Variants in WDR64 observed in about 807,000 individuals in gnomAD.
WDR64 encodes WD repeat-containing protein 64.
A neutral mutation model predicts 139.3 loss-of-function variants in WDR64; 112 were observed. That is an observed-to-expected ratio of 0.80 (90% CI 0.69 to 0.94). WDR64 has a LOEUF of 0.94. Ranked by LOEUF, WDR64 falls within the 40% of genes least tolerant of loss-of-function variation. The pLI is 0.00. For synonymous variants in WDR64, 444 were observed against 437.7 expected, an observed-to-expected ratio of 1.01 and a Z score of -0.18; for missense variants, 1,206 against 1,293.1, an observed-to-expected ratio of 0.93 and a Z score of 1.03.
intron 27 of WDR64, among the ~76,000 whole-genome samples, chr1:241,796,637 C>A (rs1467630493): frequency 2.0e-5 from 3 of 152,118 alleles, no homozygotes; most frequent in African/African-American, 7.2e-5. Context: ...GGATTACAGG[C>A]ATGCGCCACT....
intron 9 of WDR64, among the ~76,000 whole-genome samples, chr1:241,720,156 G>C (rs904164893): frequency 6.6e-6 from 1 of 152,152 alleles, no homozygotes; most frequent in Non-Finnish European, 1.5e-5. Context: ...TGGCTGCACA[G>C]TATTTCATGG....
chr1:241,720,205 G>A (rs370292133), intron 9 of WDR64, among the ~76,000 whole-genome samples: 7 of 152,056 alleles, frequency 4.6e-5, no homozygotes, highest in East Asian at 1.9e-4. Flanking sequence ...ATCTATCATC[G>A]ATGGGTGTTT....
At chr1:241,660,070 G>T (rs1451250241) in intron 1 of WDR64, among the ~76,000 whole-genome samples, 5 of 152,110 alleles carry the variant, frequency 3.3e-5, no homozygotes. Context: ...AATCCATCCT[G>T]AGTTGATTTT....
chr1:241,730,726 A>G (rs761765760), intron 10 of WDR64, among the ~76,000 whole-genome samples: 8 of 152,212 alleles, frequency 5.3e-5, no homozygotes, highest in Non-Finnish European at 8.8e-5. Flanking sequence ...TAAATGCTTG[A>G]GAGTGCATTA....
intron 15 of WDR64, among the ~76,000 whole-genome samples, chr1:241,764,700 G>C (rs940096166): frequency 6.6e-6 from 1 of 151,934 alleles, no homozygotes; most frequent in Non-Finnish European, 1.5e-5. Context: ...AAGATATAAG[G>C]TCATGACAAT....
intron 21 of WDR64, among the ~76,000 whole-genome samples, chr1:241,777,978 G>A (rs565051099): frequency 2.0e-5 from 3 of 152,272 alleles, no homozygotes; most frequent in East Asian, 3.9e-4. Context: ...AGGAATGTGT[G>A]TTCTGAATGT....
At chr1:241,673,081 G>A (rs530007536) in intron 3 of WDR64, among the ~76,000 whole-genome samples, 14 of 151,554 alleles carry the variant, frequency 9.2e-5, no homozygotes, top group African/African-American at 2.7e-4. Flanking sequence ...GCAAACTATC[G>A]CAAGGACAAA....
Position 241,766,369 on chromosome 1 carries a change from C to T in WDR64, c.2081+18C>T, listed in dbSNP as rs779924354. On this transcript the variant is annotated intron_variant, in intron 16 of 27. Coordinates refer to ENST00000437684, the MANE Select transcript of WDR64 (RefSeq NM_001367482.1). The stretch of plus-strand genomic sequence containing the variant: ...AAAAAAGTGTAAGTTGTGTATTATC[C>T]TTAAACAATGTAAAAGCTTTACTGC... 49 of 1,611,376 alleles carry T rather than the reference C, an allele frequency of 3.0e-5. No individual in the cohort carries two copies. Among genetic ancestry groups the T allele is most frequent in the Non-Finnish European group, 4.1e-5 (48 of 1,178,654 alleles).
intron 8 of WDR64, among the ~76,000 whole-genome samples, chr1:241,690,477 A>C (rs7543482): frequency 0.031 from 4,669 of 152,186 alleles, 211 homozygotes; most frequent in African/African-American, 0.11. Flanking sequence ...TCAAAAAAAA[A>C]ACAAAAACTT....
At chr1:241,760,592 GAAC>G (rs961910707) in intron 15 of WDR64, among the ~76,000 whole-genome samples, 1 of 150,466 alleles carries the variant, frequency 6.6e-6, no homozygotes, top group Non-Finnish European at 1.5e-5. Context: ...AGAAGGAAAA[GAAC>G]AACTTAGATA....
At chr1:241,658,137 A>G in intron 1 of WDR64, among the ~76,000 whole-genome samples, 1 of 152,322 alleles carries the variant, frequency 6.6e-6, no homozygotes, top group East Asian at 1.9e-4. Flanking sequence ...TACACATAAC[A>G]GATACTCATA....
At chr1:241,705,280 G>A (rs1047088212) in intron 8 of WDR64, among the ~76,000 whole-genome samples, 2 of 151,932 alleles carry the variant, frequency 1.3e-5, no homozygotes, top group Non-Finnish European at 2.9e-5. Flanking sequence ...GGTGGCTCAC[G>A]CCTGTAATCC....
intron 8 of WDR64, among the ~76,000 whole-genome samples, chr1:241,705,546 A>AAAATAAATAAAT (rs566830899): frequency 4.2e-4 from 55 of 130,478 alleles, no homozygotes; most frequent in East Asian, 1.3e-3. Context: ...TGTCTCTAAA[A>AAAATAAATAAAT]AAATAAATAA....
chr1:241,725,542 A>G (rs1378362613), intron 10 of WDR64, among the ~76,000 whole-genome samples: 1 of 152,044 alleles, frequency 6.6e-6, no homozygotes, highest in Non-Finnish European at 1.5e-5. Context: ...AACTATGCGA[A>G]TCTCCCTGGA....
In WDR64 at chr1:241,683,714, TA is replaced by T; in HGVS notation, c.839+14del. The stretch of plus-strand genomic sequence containing the variant: ...AGAACTTTAAAAGGTAAGAGTATCA[TA>T]CAGTTAATTTAATTCTTTTAATAAT... On this transcript the variant is annotated intron_variant, in intron 7 of 27. Coordinates refer to ENST00000437684, the MANE Select transcript of WDR64 (RefSeq NM_001367482.1). 6.7e-7 allele frequency: 1 copy of T among 1,501,792 alleles called. No homozygotes were observed. The highest frequency in any genetic ancestry group is 8.9e-7 in the Non-Finnish European group (1 of 1,118,066). 93.0% of individuals were successfully genotyped at this position (1,501,792 alleles called of 1,614,324 possible).
At chr1:241,786,513 A>G (rs1275759279) in intron 23 of WDR64, among the ~76,000 whole-genome samples, 1 of 152,244 alleles carries the variant, frequency 6.6e-6, no homozygotes, top group Admixed American at 6.5e-5. Flanking sequence ...GAGTGAAGTG[A>G]TAGTGAAACA....
At chr1:241,705,204 C>T (rs1667885427) in intron 8 of WDR64, among the ~76,000 whole-genome samples, 1 of 152,130 alleles carries the variant, frequency 6.6e-6, no homozygotes. Context: ...ACGCGATGAC[C>T]ACTACTCGCT....
chr1:241,729,271 G>C (rs1177684301), intron 10 of WDR64, among the ~76,000 whole-genome samples: 2 of 152,148 alleles, frequency 1.3e-5, no homozygotes, highest in Admixed American at 6.5e-5. Context: ...GGGGCTCCCA[G>C]TTGCAGGTGG....
At chr1:241,758,024 G>T (rs1181015365) in intron 15 of WDR64, among the ~76,000 whole-genome samples, 2 of 151,926 alleles carry the variant, frequency 1.3e-5, no homozygotes, top group Non-Finnish European at 2.9e-5. Flanking sequence ...TCCAAACAAG[G>T]TTTATTTGTT....
Sources: gnomAD v4.1 joint callset for allele counts (sites outside exome capture counted in the v4.1 genomes callset) on GRCh38, gnomAD v4.1.1 for gene constraint, MANE v1.5 for transcripts, NCBI Gene and HGNC (gene_info 2026-07-23, HGNC 2026-07-21) for gene names.